The following NAALADL2 variants were observed in gnomAD, a reference collection of about 807,000 sequenced individuals.
NAALADL2 encodes the protein N-acetylated alpha-linked acidic dipeptidase like 2.
NAALADL2 carries 76 observed loss-of-function variants against 87.2 expected under a neutral mutation model. The observed-to-expected ratio is 0.87, with a 90% CI of 0.72 to 1.05. The LOEUF is 1.05. NAALADL2 is among the 50% of genes least tolerant of loss of function. The pLI, the probability that NAALADL2 is intolerant of heterozygous loss-of-function variation, is 0.00. For synonymous variants in NAALADL2, 354 were observed against 331.0 expected (o/e 1.07, Z -0.75); for missense variants, 1,089 against 945.8 (o/e 1.15, Z -1.99).
intron 5 of NAALADL2, among the ~76,000 whole-genome samples, chr3:175,384,875 G>A (rs1451995516): frequency 6.6e-6 from 1 of 151,242 alleles, no homozygotes; most frequent in Non-Finnish European, 1.5e-5. Flanking sequence ...CAGAAATTAA[G>A]AATAAGTATG....
intron 1 of NAALADL2, among the ~76,000 whole-genome samples, chr3:174,881,933 G>T (rs1016317105): frequency 6.6e-6 from 1 of 152,056 alleles, no homozygotes; most frequent in Non-Finnish European, 1.5e-5. Flanking sequence ...TTTGGGGAAA[G>T]GCCTTTGGTG....
intron 1 of NAALADL2, among the ~76,000 whole-genome samples, chr3:174,485,734 A>G (rs1216413003): frequency 1.3e-5 from 2 of 151,850 alleles, no homozygotes; most frequent in African/African-American, 4.8e-5. Context: ...GTCTTTTGCT[A>G]TTGTGAATAG....
At chr3:175,010,943 T>C (rs1209682191) in intron 1 of NAALADL2, among the ~76,000 whole-genome samples, 1 of 152,126 alleles carries the variant, frequency 6.6e-6, no homozygotes, top group Non-Finnish European at 1.5e-5. Flanking sequence ...GACAATTACA[T>C]TGCACAATGT....
chr3:175,802,328 T>TTGG (rs1553778037), intron 13 of NAALADL2, among the ~76,000 whole-genome samples: 1 of 150,746 alleles, frequency 6.6e-6, no homozygotes, highest in Non-Finnish European at 1.5e-5. Flanking sequence ...GATTTTTTTT[T>TTGG]GGGGGGGGAC....
chr3:174,605,433 C>T (rs945886537), intron 2 of NAALADL2, among the ~76,000 whole-genome samples: 2 of 151,016 alleles, frequency 1.3e-5, no homozygotes, highest in African/African-American at 2.4e-5. Flanking sequence ...GGGTGACAGA[C>T]GGCACCTGGA....
In NAALADL2 at chr3:175,363,238, A is replaced by T. The variant is rs1213029402; in HGVS notation, c.1090+38913A>T. 4.8e-5 allele frequency among the ~76,000 whole-genome samples: 7 copies of T among 147,324 alleles called. 1 individual carries two copies. The highest frequency in any genetic ancestry group is 4.2e-4 in the Admixed American group (6 of 14,310). Reference sequence around the variant, plus strand: ...AAAATAACACTGTCTTGCTTAATGGATATAAAATTTTTCACAATATTAATT... The same window carrying T: ...AAAATAACACTGTCTTGCTTAATGGTTATAAAATTTTTCACAATATTAATT... On this transcript the variant is annotated intron_variant, in intron 5 of 13. Transcript: ENST00000454872.
Position 175,807,716 on chromosome 3 carries a change from G to C in NAALADL2, c.*4513G>C. 6.6e-6 allele frequency: 1 copy of C among 151,912 alleles called. No individual in the cohort carries two copies. The allele number at this position is 151,912 out of a possible 1,614,324, so 9.4% of individuals were successfully genotyped here. Reference sequence around the variant, plus strand: ...GGGAAAAAACAAACAAACAATATTTGAGAAAATATATATATTCTGCCCAGC... The same window carrying C: ...GGGAAAAAACAAACAAACAATATTTCAGAAAATATATATATTCTGCCCAGC... On this transcript the variant is annotated 3_prime_UTR_variant, in exon 14 of 14. Transcript: ENST00000454872.
At chr3:175,151,300 C>T (rs73176781) in intron 2 of NAALADL2, among the ~76,000 whole-genome samples, 1 of 152,158 alleles carries the variant, frequency 6.6e-6, no homozygotes, top group African/African-American at 2.4e-5. Flanking sequence ...TTCTTATTCA[C>T]AGAGCAACCA....
At chr3:174,789,573 A>T (rs1432160978) in intron 3 of NAALADL2, among the ~76,000 whole-genome samples, 1 of 152,208 alleles carries the variant, frequency 6.6e-6, no homozygotes, top group Non-Finnish European at 1.5e-5. Context: ...GATGCTGAGG[A>T]TCAATTGATT....
At chr3:174,505,693 G>A (rs73881190) in intron 1 of NAALADL2, among the ~76,000 whole-genome samples, 2 of 152,010 alleles carry the variant, frequency 1.3e-5, no homozygotes, top group Admixed American at 6.6e-5. Flanking sequence ...CATTTTTCTA[G>A]TATTTTATTC....
At chr3:175,338,963 A>C (rs936705956) in intron 5 of NAALADL2, among the ~76,000 whole-genome samples, 2 of 152,202 alleles carry the variant, frequency 1.3e-5, no homozygotes, top group Non-Finnish European at 2.9e-5. Flanking sequence ...GGTGTTGTAC[A>C]GAGTTGAAGA....
intron 5 of NAALADL2, among the ~76,000 whole-genome samples, chr3:175,359,665 C>G (rs543171565): frequency 6.6e-6 from 1 of 152,036 alleles, no homozygotes; most frequent in East Asian, 1.9e-4. Flanking sequence ...ATTACTTTTT[C>G]CTTTTTATGA....
intron 3 of NAALADL2, among the ~76,000 whole-genome samples, chr3:175,251,822 T>A (rs1189287930): frequency 6.6e-6 from 1 of 152,222 alleles, no homozygotes; most frequent in African/African-American, 2.4e-5. Context: ...AGGCAATGGA[T>A]ACATTTTTAT....
At chr3:174,817,615 A>G (rs941814417) in intron 3 of NAALADL2, among the ~76,000 whole-genome samples, 2 of 152,184 alleles carry the variant, frequency 1.3e-5, no homozygotes, top group African/African-American at 4.8e-5. Context: ...AAAATAAATA[A>G]TTTTTAAAAA....
intron 1 of NAALADL2, among the ~76,000 whole-genome samples, chr3:174,924,969 A>C (rs1283860948): frequency 6.6e-6 from 1 of 152,160 alleles, no homozygotes; most frequent in African/African-American, 2.4e-5. Flanking sequence ...TCTGGATATT[A>C]GCCCTTTGTC....
chr3:175,499,187 G>A (rs1471866747), intron 9 of NAALADL2, among the ~76,000 whole-genome samples: 1 of 151,974 alleles, frequency 6.6e-6, no homozygotes. Flanking sequence ...TATTCAAAGG[G>A]CCTTAGTGCA....
intron 11 of NAALADL2, among the ~76,000 whole-genome samples, chr3:175,692,224 T>C (rs1737143644): frequency 6.6e-6 from 1 of 152,172 alleles, no homozygotes; most frequent in African/African-American, 2.4e-5. Context: ...TTGCCAATTT[T>C]CTTAAAACTA....
intron 1 of NAALADL2, among the ~76,000 whole-genome samples, chr3:174,910,406 A>G (rs1010330692): frequency 7.2e-5 from 11 of 152,012 alleles, no homozygotes; most frequent in African/African-American, 2.2e-4. Flanking sequence ...AAAATTTTCC[A>G]GTTTATTAAA....
chr3:174,619,709 T>G (rs1006447714), intron 2 of NAALADL2, among the ~76,000 whole-genome samples: 2 of 152,026 alleles, frequency 1.3e-5, no homozygotes, highest in African/African-American at 4.8e-5. Context: ...AACTGTGCTT[T>G]CTTAATCTAT....
Sources: allele counts gnomAD v4.1 joint callset (sites outside exome capture counted in the v4.1 genomes callset), GRCh38; gene constraint gnomAD v4.1.1; transcripts MANE v1.5; gene names NCBI Gene and HGNC (gene_info 2026-07-23, HGNC 2026-07-21).